Variants in IMMP2L observed in about 807,000 individuals in gnomAD.
IMMP2L encodes the protein mitochondrial inner membrane protease subunit 2.
Under a neutral mutation model 19.3 loss-of-function variants are expected in IMMP2L, and 18 were observed. The observed-to-expected ratio is 0.93, with a 90% CI of 0.64 to 1.38. The LOEUF (loss-of-function observed/expected upper bound fraction) is 1.38. IMMP2L is among the 40% of genes most tolerant of loss of function. The pLI, the probability that IMMP2L is intolerant of heterozygous loss-of-function variation, is 0.00. For synonymous variants in IMMP2L, 76 were observed against 73.0 expected, an observed-to-expected ratio of 1.04 and a Z score of -0.21; for missense variants, 233 against 218.2, an observed-to-expected ratio of 1.07 and a Z score of -0.43.
intron 4 of IMMP2L, among the ~76,000 whole-genome samples, chr7:110,941,523 G>GT (rs1345746306): frequency 1.3e-5 from 2 of 152,098 alleles, no homozygotes; most frequent in Non-Finnish European, 2.9e-5. Flanking sequence ...TATAGTCAAT[G>GT]TTTGCTTTAT....
At chr7:111,310,802 C>T (rs765755367) in intron 3 of IMMP2L, among the ~76,000 whole-genome samples, 1 of 151,978 alleles carries the variant, frequency 6.6e-6, no homozygotes, top group East Asian at 1.9e-4. Context: ...AGATCAATAG[C>T]CGTATACCAA....
At chr7:111,201,268 C>T (rs941533583) in intron 3 of IMMP2L, among the ~76,000 whole-genome samples, 4 of 145,482 alleles carry the variant, frequency 2.7e-5, no homozygotes, top group East Asian at 1.9e-4. Flanking sequence ...CAACATTTAA[C>T]GTATCAAATC....
intron 5 of IMMP2L, among the ~76,000 whole-genome samples, chr7:110,817,498 G>A (rs960148270): frequency 5.3e-5 from 8 of 152,220 alleles, no homozygotes; most frequent in South Asian, 4.1e-4. Flanking sequence ...CCATGCTCAC[G>A]GGTAGGAAGA....
intron 3 of IMMP2L, among the ~76,000 whole-genome samples, chr7:111,314,243 A>C (rs191648252): frequency 6.6e-6 from 1 of 152,276 alleles, no homozygotes; most frequent in Admixed American, 6.5e-5. Flanking sequence ...TCTAAAGAAT[A>C]CAAGAAAAAA....
chr7:111,453,553 C>A (rs572964084), intron 3 of IMMP2L, among the ~76,000 whole-genome samples: 11 of 152,174 alleles, frequency 7.2e-5, no homozygotes, highest in African/African-American at 2.6e-4. Flanking sequence ...TGTTTGATAT[C>A]GGTAACTTGC....
intron 5 of IMMP2L, among the ~76,000 whole-genome samples, chr7:110,784,266 T>C (rs932264431): frequency 2.1e-4 from 32 of 151,964 alleles, no homozygotes; most frequent in African/African-American, 7.7e-4. Flanking sequence ...TGCATCTGTC[T>C]GCATGGTCTC....
chr7:111,555,097 T>C (rs1345655659), intron 1 of IMMP2L, among the ~76,000 whole-genome samples: 1 of 152,174 alleles, frequency 6.6e-6, no homozygotes, highest in Admixed American at 6.6e-5. Flanking sequence ...TCATCCTTCC[T>C]GCCATATATA....
At chr7:111,083,192 A>G (rs1330209315) in intron 3 of IMMP2L, among the ~76,000 whole-genome samples, 1 of 152,188 alleles carries the variant, frequency 6.6e-6, no homozygotes, top group Non-Finnish European at 1.5e-5. Flanking sequence ...AAAGAGCTGG[A>G]TAATACAATT....
chr7:111,163,240 T>C (rs889467392), intron 3 of IMMP2L, among the ~76,000 whole-genome samples: 7 of 152,106 alleles, frequency 4.6e-5, no homozygotes, highest in African/African-American at 1.7e-4. Context: ...GTCATAAAGA[T>C]AGATTGCTTC....
At chr7:110,866,600 C>T (rs1402288323) in intron 5 of IMMP2L, among the ~76,000 whole-genome samples, 2 of 152,078 alleles carry the variant, frequency 1.3e-5, no homozygotes, top group Non-Finnish European at 1.5e-5. Context: ...CATAACTCTC[C>T]TCCCTAAAAT....
intron 1 of IMMP2L, among the ~76,000 whole-genome samples, chr7:111,532,265 T>C (rs1847463453): frequency 6.6e-6 from 1 of 152,164 alleles, no homozygotes; most frequent in Non-Finnish European, 1.5e-5. Context: ...CATTTTTTCC[T>C]ACTATCTGAC....
At position 111,375,505 on chromosome 7, in the gene IMMP2L, C is replaced by A. The variant is rs575413372; in HGVS notation, c.239+111733G>T. Among the ~76,000 whole-genome samples, 31 of 151,868 alleles carry A rather than the reference C, an allele frequency of 2.0e-4. No individual in the cohort carries two copies. In the South Asian group the frequency reaches 5.4e-3, roughly 27 times the overall value. On this transcript the variant is annotated intron_variant, in intron 3 of 5. Transcript: ENST00000405709. ...AACTGTACCTTAGCAAACCTGTGAA[C>A]AGATTTCCTGAGTTTGGTAAAAGCG... is the stretch of plus-strand genomic sequence containing the variant.
intron 4 of IMMP2L, among the ~76,000 whole-genome samples, chr7:110,928,880 T>G (rs780581467): frequency 2.0e-5 from 3 of 152,130 alleles, no homozygotes; most frequent in Non-Finnish European, 2.9e-5. Flanking sequence ...ACAGAATCTA[T>G]GTATTAAGCA....
chr7:111,257,905 A>G, intron 3 of IMMP2L, among the ~76,000 whole-genome samples: 1 of 151,774 alleles, frequency 6.6e-6, no homozygotes, highest in East Asian at 1.9e-4. Context: ...TACATTAGGT[A>G]TTTCTCCTAA....
intron 3 of IMMP2L, among the ~76,000 whole-genome samples, chr7:111,040,401 T>A (rs1289736898): frequency 4.6e-5 from 7 of 152,132 alleles, no homozygotes; most frequent in African/African-American, 9.7e-5. Flanking sequence ...TTCAAACAAC[T>A]TGAATTTTTA....
At chr7:111,502,465 C>T (rs1308475792) in intron 2 of IMMP2L, among the ~76,000 whole-genome samples, 1 of 152,136 alleles carries the variant, frequency 6.6e-6, no homozygotes, top group African/African-American at 2.4e-5. Flanking sequence ...CTGCCCCAAG[C>T]ATACCTAATA....
intron 5 of IMMP2L, among the ~76,000 whole-genome samples, chr7:110,670,029 GA>G (rs1477436245): frequency 1.3e-5 from 2 of 152,092 alleles, no homozygotes; most frequent in Non-Finnish European, 2.9e-5. Context: ...TTTATATGTT[GA>G]AGTCTTAACT....
chr7:111,451,252 C>T (rs1378314394), intron 3 of IMMP2L, among the ~76,000 whole-genome samples: 46 of 148,216 alleles, frequency 3.1e-4, no homozygotes, highest in African/African-American at 1.2e-3. Context: ...GCTATAAAGA[C>T]ACATGCACAC....
intron 3 of IMMP2L, among the ~76,000 whole-genome samples, chr7:111,008,256 A>G (rs1824523230): frequency 6.6e-6 from 1 of 151,856 alleles, no homozygotes; most frequent in Non-Finnish European, 1.5e-5. Context: ...GACTCCCCCA[A>G]TACTTCTATG....
Sources: allele counts gnomAD v4.1 joint callset (sites outside exome capture counted in the v4.1 genomes callset), GRCh38; gene constraint gnomAD v4.1.1; transcripts MANE v1.5; gene names NCBI Gene and HGNC (gene_info 2026-07-23, HGNC 2026-07-21).